PAK1: variants seen among roughly 807,000 people sequenced by gnomAD.
PAK1 encodes the protein p21 (RAC1) activated kinase 1.
A neutral mutation model predicts 67.4 loss-of-function variants in PAK1; 29 were observed. The observed-to-expected ratio is 0.43, with a 90% CI of 0.32 to 0.59. PAK1 has a LOEUF of 0.59. Ranked by LOEUF, PAK1 falls within the 20% of genes least tolerant of loss-of-function variation. The pLI is 0.07. For missense variants in PAK1, 337 were observed against 670.7 expected, an observed-to-expected ratio of 0.50 and a Z score of 5.50; for synonymous variants, 223 against 237.4, an observed-to-expected ratio of 0.94 and a Z score of 0.56.
In PAK1 at chr11:77,436,296, G is replaced by A. The variant is rs190842080; in HGVS notation, c.-22+37256C>T. On this transcript the variant is annotated intron_variant, in intron 1 of 14. Transcript: ENST00000356341. Reference sequence around the variant, plus strand: ...AAAAGAACAGCTGTTTAATACTTTTGTTTACAGAAAAGAAAACCAACAGAT... The same window carrying A: ...AAAAGAACAGCTGTTTAATACTTTTATTTACAGAAAAGAAAACCAACAGAT... Among the ~76,000 whole-genome samples, 17 of 152,262 alleles carry A rather than the reference G, an allele frequency of 1.1e-4. No homozygotes were observed. In the East Asian group the frequency reaches 3.3e-3, roughly 29 times the overall value.
chr11:77,408,532 TACACACACACACACACACACAC>T (rs377689850), intron 1 of PAK1, among the ~76,000 whole-genome samples: 2 of 137,846 alleles, frequency 1.5e-5, no homozygotes, highest in African/African-American at 5.3e-5. Context: ...TATGGAGAAA[TACACACACACACACACACACAC>T]ACACACACAC....
intron 1 of PAK1, among the ~76,000 whole-genome samples, chr11:77,410,864 G>A (rs544999589): frequency 3.9e-5 from 6 of 152,234 alleles, no homozygotes; most frequent in African/African-American, 1.4e-4. Context: ...AAGAAGGAAA[G>A]AATTATAGTG....
intron 1 of PAK1, among the ~76,000 whole-genome samples, chr11:77,428,198 ACT>A (rs1955656620): frequency 1.3e-5 from 2 of 152,080 alleles, no homozygotes; most frequent in Admixed American, 6.5e-5. Context: ...TAGAATGATC[ACT>A]CTTGCAGAAA....
At chr11:77,502,716 C>T in the PAK1 span, among the ~76,000 whole-genome samples, 119 of 152,196 alleles carry the variant, frequency 7.8e-4, 2 homozygotes, top group Admixed American at 7.8e-3. Context: ...GCTATGAACT[C>T]GCCAGCAGCT....
chr11:77,364,503 A>G (rs1947239745), intron 5 of PAK1, among the ~76,000 whole-genome samples: 2 of 152,256 alleles, frequency 1.3e-5, no homozygotes, highest in Non-Finnish European at 2.9e-5. Flanking sequence ...ATGACCACAG[A>G]CAGAGACTAT....
chr11:77,459,150 G>C (rs1047706057), intron 1 of PAK1, among the ~76,000 whole-genome samples: 4 of 152,172 alleles, frequency 2.6e-5, no homozygotes, highest in African/African-American at 9.7e-5. Context: ...ATGCTGAAGA[G>C]GTAGGTGAGG....
intron 1 of PAK1, among the ~76,000 whole-genome samples, chr11:77,425,277 T>A (rs1955491136): frequency 6.6e-6 from 1 of 152,138 alleles, no homozygotes; most frequent in African/African-American, 2.4e-5. Flanking sequence ...TTTGCTTTTT[T>A]TTTTTTTAAT....
the PAK1 span, among the ~76,000 whole-genome samples, chr11:77,492,758 G>C: frequency 6.6e-6 from 1 of 152,064 alleles, no homozygotes. Flanking sequence ...TGGGGGCAGA[G>C]TTCTCATAAA....
At chr11:77,328,940 G>A (rs1251852534) in intron 14 of PAK1, among the ~76,000 whole-genome samples, 1 of 152,148 alleles carries the variant, frequency 6.6e-6, no homozygotes, top group African/African-American at 2.4e-5. Context: ...AATCAAAAAT[G>A]ATAAAGGGGA....
At chr11:77,403,837 T>C (rs1173380028) in intron 1 of PAK1, among the ~76,000 whole-genome samples, 2 of 152,240 alleles carry the variant, frequency 1.3e-5, no homozygotes, top group East Asian at 1.9e-4. Flanking sequence ...TATTGGAAAC[T>C]TAATCCTCAC....
At chr11:77,474,622 A>G (rs1278694047), upstream of PAK1, 4 of 152,050 alleles carry the variant, frequency 2.6e-5, no homozygotes, top group Non-Finnish European at 5.9e-5. Context: ...TTTGAAAACT[A>G]TCCGATGTCG....
At chr11:77,377,697 T>C (rs1194103352) in intron 4 of PAK1, among the ~76,000 whole-genome samples, 1 of 152,230 alleles carries the variant, frequency 6.6e-6, no homozygotes, top group Admixed American at 6.5e-5. Flanking sequence ...CACATTTACA[T>C]GCCACTAGCA....
chr11:77,508,659 C>CT, the PAK1 span, among the ~76,000 whole-genome samples: 14,840 of 114,684 alleles, frequency 0.13, 1,290 homozygotes, highest in East Asian at 0.29. Context: ...CATAGAGATT[C>CT]TTTTTTTTTT....
At chr11:77,360,192 C>T (rs532146998) in intron 5 of PAK1, among the ~76,000 whole-genome samples, 4 of 152,130 alleles carry the variant, frequency 2.6e-5, no homozygotes, top group Admixed American at 1.3e-4. Flanking sequence ...TGTCTTTTAC[C>T]ACATTTGACA....
chr11:77,341,577 C>T (rs1943611722), intron 10 of PAK1, among the ~76,000 whole-genome samples: 6 of 152,060 alleles, frequency 3.9e-5, no homozygotes, highest in South Asian at 4.1e-4. Context: ...CCCTATTACA[C>T]GATAAATAAA....
Position 77,407,530 on chromosome 11 carries a change from G to A in PAK1, c.-21-14989C>T, listed in dbSNP as rs375185802. ...CTATAGCATCTGAGCAATTTTTCAC[G>A]GCTTGAAAATGCACTCGGGAACAAC... On this transcript the variant is annotated intron_variant, in intron 1 of 14. Transcript: ENST00000356341. Among the ~76,000 whole-genome samples the A allele has an allele frequency of 1.7e-4, 26 of 152,220 alleles. No individual in the cohort carries two copies. In the South Asian group the frequency reaches 5.2e-3, roughly 30 times the overall value.
At chr11:77,434,168 T>G (rs1955999202) in intron 1 of PAK1, among the ~76,000 whole-genome samples, 1 of 152,072 alleles carries the variant, frequency 6.6e-6, no homozygotes, top group Non-Finnish European at 1.5e-5. Flanking sequence ...AAAATATATA[T>G]CTACACAAAA....
At chr11:77,323,482 C>T (rs1159262624) in intron 14 of PAK1, 122 bp from the exon 15 acceptor site, 37 of 710,032 alleles carry the variant, frequency 5.2e-5, no homozygotes, top group African/African-American at 1.8e-4. Context: ...TCTGATCATC[C>T]CCAAATTGAA....
the PAK1 span, among the ~76,000 whole-genome samples, chr11:77,526,634 GA>G: frequency 6.6e-6 from 1 of 152,182 alleles, no homozygotes; most frequent in African/African-American, 2.4e-5. Flanking sequence ...AAAAAGGCTG[GA>G]GGCCAGGTGT....
Sources: gnomAD v4.1 joint callset for allele counts (sites outside exome capture counted in the v4.1 genomes callset) on GRCh38, gnomAD v4.1.1 for gene constraint, MANE v1.5 for transcripts, NCBI Gene and HGNC (gene_info 2026-07-23, HGNC 2026-07-21) for gene names.